Variants in SAP130 observed in about 807,000 individuals in gnomAD.
SAP130 encodes Sin3A associated protein 130.
SAP130 carries 16 observed loss-of-function variants against 103.2 expected under a neutral mutation model. The observed-to-expected ratio is 0.16, with a 90% confidence interval of 0.10 to 0.24. SAP130 has a LOEUF of 0.24. SAP130 is among the 10% of genes least tolerant of loss of function. SAP130 has a pLI of 1.00. For missense variants in SAP130, 990 were observed against 1,359.7 expected, an observed-to-expected ratio of 0.73 and a Z score of 4.28; for synonymous variants, 477 against 497.0, an observed-to-expected ratio of 0.96 and a Z score of 0.53.
At chr2:127,952,074 C>T (rs1679530666) in intron 16 of SAP130, among the ~76,000 whole-genome samples, 1 of 152,196 alleles carries the variant, frequency 6.6e-6, no homozygotes, top group South Asian at 2.1e-4. Context: ...TCCAGGAATT[C>T]ACAACTTTCT....
At position 127,955,205 on chromosome 2, in the gene SAP130, T is replaced by C. The variant is rs1348293526; in HGVS notation, c.2203A>G (p.Thr735Ala). The C allele has an allele frequency of 3.1e-6, 5 of 1,613,794 alleles. No homozygotes were observed. The highest frequency in any genetic ancestry group is 3.3e-4 in the Middle Eastern group (2 of 6,082). The part of the protein sequence containing the change: ...TAQQPPPTIP[T>A]MIAAASPPSQ... ...GGGGGACTGGCTGCTGCAATCATAG[T>C]TGGAATGGTCGGTGGGGGCTGCTGG... Residue 735 changes from threonine to alanine, a missense_variant, in exon 16 of 21, where the codon ACT becomes GCT. Around this residue, in one of 6 missense-constraint regions of SAP130, gnomAD observed 349 missense variants for 384.1 expected, o/e 0.91. Coordinates refer to ENST00000643581, the MANE Select transcript of SAP130 (RefSeq NM_001330301.2). The surrounding 1 kb of genome is among the most constrained non-coding windows in gnomAD (Gnocchi z 4.9).
chr2:128,010,437 T>G (rs755807430), intron 6 of SAP130, 44 bp from the exon 7 acceptor site: 1 of 1,576,670 alleles, frequency 6.3e-7, no homozygotes, highest in Non-Finnish European at 8.7e-7. Flanking sequence ...AAAAATAAAA[T>G]AGAGGAAGTC....
chr2:127,985,147 A>G lies in SAP130; in HGVS notation c.1958+1638T>C, dbSNP rs149349010. On this transcript the variant is annotated intron_variant, in intron 14 of 20. Transcript: ENST00000643581. ...TTCTCCCCATCCTTGTGTGTTTACAACTTTTTTGAAAAAAAGTTATATAGG... is the reference window on the plus strand; with the variant it reads ...TTCTCCCCATCCTTGTGTGTTTACAGCTTTTTTGAAAAAAAGTTATATAGG... 3.3e-4 allele frequency among the ~76,000 whole-genome samples: 51 copies of G among 152,302 alleles called. 1 individual carries two copies. The South Asian group carries it at 6.4e-3, about 19-fold the overall frequency.
At chr2:127,975,026 T>C (rs547121664) in intron 15 of SAP130, among the ~76,000 whole-genome samples, 1 of 152,184 alleles carries the variant, frequency 6.6e-6, no homozygotes, top group Non-Finnish European at 1.5e-5. Context: ...TGAAATTGCC[T>C]AGGGATGTAT....
intron 7 of SAP130, among the ~76,000 whole-genome samples, chr2:128,004,690 G>A (rs957105999): frequency 2.6e-5 from 4 of 152,162 alleles, no homozygotes; most frequent in African/African-American, 4.8e-5. Flanking sequence ...AGGATCTAGG[G>A]TTAAACCAGG....
intron 5 of SAP130, 88 bp downstream of exon 5, chr2:128,014,715 T>G: frequency 1.1e-6 from 1 of 923,042 alleles, no homozygotes. Context: ...AACAAGCTGA[T>G]TCTAGATACA....
chr2:128,027,421 C>G (rs1035712783), intron 1 of SAP130: 65 of 1,123,298 alleles, frequency 5.8e-5, no homozygotes, highest in Non-Finnish European at 6.9e-5. Context: ...CCGCCGACTG[C>G]CAGCCAATCA....
In SAP130 at chr2:128,018,483, CAAAAAAAA is replaced by C. The variant is rs759445928; in HGVS notation, c.113-576_113-569del. ...CTGGGCGAGAGAGGAAGATTGTCTC[CAAAAAAAA>C]AAAAAAAAAAAAAAAGGATGGCTGG... is the stretch of plus-strand genomic sequence containing the variant. On this transcript the variant is annotated intron_variant, in intron 2 of 20. Coordinates refer to ENST00000643581, the MANE Select transcript of SAP130 (RefSeq NM_001330301.2). 3.9e-4 allele frequency among the ~76,000 whole-genome samples: 27 copies of C among 69,476 alleles called. No individual in the cohort carries two copies. The Middle Eastern group carries it at 0.029, about 74-fold the overall frequency. The allele number at this position is 69,476 out of a possible 152,430, so 45.6% of individuals were successfully genotyped here.
intron 19 of SAP130, among the ~76,000 whole-genome samples, chr2:127,943,733 G>C (rs1559023930): frequency 6.6e-6 from 1 of 152,238 alleles, no homozygotes; most frequent in South Asian, 2.1e-4. Flanking sequence ...TGCTCTGTGT[G>C]AGTCAGTGGG....
intron 19 of SAP130, among the ~76,000 whole-genome samples, chr2:127,944,230 C>G (rs1678908546): frequency 1.3e-5 from 2 of 151,958 alleles, no homozygotes; most frequent in African/African-American, 4.8e-5. Flanking sequence ...GAGACAGGGT[C>G]CCACTATGTT....
intron 1 of SAP130, chr2:128,027,163 T>TCTCGGCGGCGGCGATGTG: frequency 7.7e-7 from 1 of 1,292,850 alleles, no homozygotes; most frequent in African/African-American, 1.5e-5. Flanking sequence ...GGAGGGCCCA[T>TCTCGGCGGCGGCGATGTG]CTCGGCGGCG....
intron 13 of SAP130, among the ~76,000 whole-genome samples, chr2:127,988,668 G>A (rs929338685): frequency 7.2e-5 from 11 of 151,768 alleles, no homozygotes; most frequent in Middle Eastern, 3.4e-3. Flanking sequence ...TGGGCAACAT[G>A]GCAAAACTCT....
chr2:127,980,520 A>G (rs1486811901), intron 14 of SAP130, among the ~76,000 whole-genome samples: 5 of 152,242 alleles, frequency 3.3e-5, no homozygotes, highest in Non-Finnish European at 7.3e-5. Flanking sequence ...AGTATTTAAC[A>G]GAAACGTACT....
chr2:127,995,725 T>C (rs1683134533), intron 11 of SAP130, among the ~76,000 whole-genome samples: 1 of 152,172 alleles, frequency 6.6e-6, no homozygotes. Flanking sequence ...AGATTACTTG[T>C]TTACAAAGGA....
chr2:127,987,043 AC>A, intron 13 of SAP130, 81 bp from the exon 14 acceptor site: 1 of 1,259,176 alleles, frequency 7.9e-7, no homozygotes, highest in Non-Finnish European at 1.1e-6. Context: ...AAATGATGAG[AC>A]CACTAGAATT....
At position 127,949,907 on chromosome 2, in the gene SAP130, T is replaced by A; in HGVS notation, c.2759A>T (p.Tyr920Phe). Residue 920 changes from tyrosine (Y) to phenylalanine (F), a missense_variant, in exon 18 of 21, where the codon TAC becomes TTC. Coordinates refer to ENST00000643581, the MANE Select transcript of SAP130 (RefSeq NM_001330301.2). ...GTCACTGTACCTCTGAAAGTGGTGG[T>A]AAGCAGCTTTCCAGGGGTTCCGATA... ...RHYRNPWKAA[Y>F]HHFQRYSDVR... 6.2e-7 allele frequency: 1 copy of A among 1,614,200 alleles called. No individual in the cohort carries two copies. Among genetic ancestry groups the A allele is most frequent in the Non-Finnish European group, 8.5e-7 (1 of 1,180,012 alleles).
intron 15 of SAP130, among the ~76,000 whole-genome samples, chr2:127,964,494 C>CAAAAAAAAAAAAAAAAAAAAA (rs55755397): frequency 1.4e-5 from 1 of 69,910 alleles, no homozygotes; most frequent in Non-Finnish European, 2.6e-5. Context: ...AACTCCATCT[C>CAAAAAAAAAAAAAAAAAAAAA]AAAAAAAAAA....
chr2:127,980,112 C>G (rs1681758920), intron 14 of SAP130, among the ~76,000 whole-genome samples: 1 of 152,066 alleles, frequency 6.6e-6, no homozygotes, highest in Non-Finnish European at 1.5e-5. Flanking sequence ...CTCCTGACCT[C>G]AGATGATCTG....
At chr2:128,027,296 C>A in intron 1 of SAP130, 2 of 1,158,838 alleles carry the variant, frequency 1.7e-6, no homozygotes, top group Non-Finnish European at 2.1e-6. Flanking sequence ...CAGTCCTCTT[C>A]CCCCGAACCT....
Sources: allele counts gnomAD v4.1 joint callset (sites outside exome capture counted in the v4.1 genomes callset), GRCh38; gene constraint gnomAD v4.1.1; regional missense constraint gnomAD v4.1.1; non-coding constraint Gnocchi (gnomAD v3.1); transcripts MANE v1.5; gene names NCBI Gene and HGNC (gene_info 2026-07-23, HGNC 2026-07-21).